The following LIMD1 variants were observed in gnomAD, a reference collection of about 807,000 sequenced individuals.
The protein encoded by LIMD1 is LIM domain-containing protein 1.
A neutral mutation model predicts 58.4 loss-of-function variants in LIMD1; 23 were observed. The ratio of observed to expected loss-of-function variants is 0.39; its 90% confidence interval spans 0.28 to 0.56. The LOEUF (loss-of-function observed/expected upper bound fraction) is 0.56. Ranked by LOEUF, LIMD1 falls within the 20% of genes least tolerant of loss-of-function variation. The pLI is 0.57. For missense variants in LIMD1, 838 were observed against 855.5 expected (o/e 0.98, Z 0.25); for synonymous variants, 334 against 345.5 (o/e 0.97, Z 0.37).
chr3:45,671,944 G>A (rs1356177082), intron 4 of LIMD1, among the ~76,000 whole-genome samples: 1 of 152,146 alleles, frequency 6.6e-6, no homozygotes, highest in Non-Finnish European at 1.5e-5. Flanking sequence ...TCTCTTTCCT[G>A]CTGTCCATGT....
intron 1 of LIMD1, among the ~76,000 whole-genome samples, chr3:45,602,199 TGGCC>T: frequency 6.6e-6 from 1 of 152,118 alleles, no homozygotes; most frequent in South Asian, 2.1e-4. Flanking sequence ...CCACCCTCCT[TGGCC>T]TCCCAAAGTG....
chr3:45,595,890 C>T lies in LIMD1; in HGVS notation c.1011C>T (p.Phe337=), dbSNP rs762862096. Reference sequence around the variant, plus strand: ...CCAATGTGGACCCCCAACCCTGGTTCCAGGATGGGCCCAAATCTTACCTTT... The same window carrying T: ...CCAATGTGGACCCCCAACCCTGGTTTCAGGATGGGCCCAAATCTTACCTTT... ...SKPNVDPQPW[F]QDGPKSYLSS... is the part of the protein sequence containing the mutation. The change falls in exon 1 of 8, where the codon TTC becomes TTT. Residue 337 remains phenylalanine (F), a synonymous_variant. Transcript: ENST00000273317. The T allele has an allele frequency of 2.5e-6, 4 of 1,614,124 alleles. No homozygotes were observed. The highest frequency in any genetic ancestry group is 3.4e-6 in the Non-Finnish European group (4 of 1,180,042).
intron 1 of LIMD1, among the ~76,000 whole-genome samples, chr3:45,610,456 A>G (rs1401427297): frequency 6.6e-6 from 1 of 152,186 alleles, no homozygotes; most frequent in African/African-American, 2.4e-5. Flanking sequence ...AAGGGTTGGG[A>G]TACATGCTTT....
chr3:45,598,281 C>T (rs1249733038), intron 1 of LIMD1, among the ~76,000 whole-genome samples: 1 of 152,324 alleles, frequency 6.6e-6, no homozygotes, highest in African/African-American at 2.4e-5. Flanking sequence ...AAGCACATGG[C>T]ACCATCTTAC....
At position 45,596,059 on chromosome 3, in the gene LIMD1, T is replaced by G; in HGVS notation, c.1180T>G (p.Ser394Ala). The stretch of plus-strand genomic sequence containing the variant: ...CACCAGTCTTGTCCATCCAGTGATG[T>G]CCACCCTGCCTGAGTTATCTTGTAA... ...SPTSLVHPVM[S>A]TLPELSCKEG... The change falls in exon 1 of 8, where the codon TCC becomes GCC. Residue 394 changes from serine to alanine, a missense_variant. By Grantham distance (99) the Ser-to-Ala change is moderately conservative. This residue lies in a region of LIMD1 where 659 missense variants were observed against 639.8 expected (regional missense o/e 1.03). Transcript: ENST00000273317. 6.2e-7 allele frequency: 1 copy of G among 1,614,174 alleles called. No individual in the cohort carries two copies. The highest frequency in any genetic ancestry group is 8.5e-7 in the Non-Finnish European group (1 of 1,180,028).
intron 2 of LIMD1, among the ~76,000 whole-genome samples, chr3:45,645,057 C>T (rs1701887817): frequency 6.6e-6 from 1 of 152,162 alleles, no homozygotes; most frequent in Non-Finnish European, 1.5e-5. Context: ...AGCTGAAGAT[C>T]AAGAATGTGA....
At chr3:45,653,907 C>CAAAAAAAAAAAAAAAAAGAAA (rs1701998128) in intron 2 of LIMD1, among the ~76,000 whole-genome samples, 1 of 74,884 alleles carries the variant, frequency 1.3e-5, no homozygotes, top group African/African-American at 4.9e-5. Flanking sequence ...AAGACTGTCT[C>CAAAAAAAAAAAAAAAAAGAAA]AAAAAAAAAA....
chr3:45,630,701 C>T (rs1018346254), intron 1 of LIMD1, among the ~76,000 whole-genome samples: 1 of 151,944 alleles, frequency 6.6e-6, no homozygotes, highest in Middle Eastern at 3.4e-3. Context: ...GGAAGGAGCT[C>T]CCCTCATGAT....
intron 7 of LIMD1, among the ~76,000 whole-genome samples, chr3:45,675,778 A>G (rs1575369532): frequency 6.6e-6 from 1 of 152,172 alleles, no homozygotes; most frequent in Non-Finnish European, 1.5e-5. Flanking sequence ...AGGCCGAGGC[A>G]GGGGGATCAC....
intron 2 of LIMD1, among the ~76,000 whole-genome samples, chr3:45,659,710 T>G (rs995472906): frequency 6.6e-6 from 1 of 152,238 alleles, no homozygotes; most frequent in Non-Finnish European, 1.5e-5. Context: ...ATCATTTATA[T>G]GTACTCTGGT....
intron 2 of LIMD1, among the ~76,000 whole-genome samples, chr3:45,648,003 A>G (rs1487444341): frequency 6.6e-6 from 1 of 151,716 alleles, no homozygotes; most frequent in East Asian, 1.9e-4. Flanking sequence ...CTTGGGTCCC[A>G]TGTGCACCCT....
At chr3:45,615,202 T>C (rs1701565231) in intron 1 of LIMD1, among the ~76,000 whole-genome samples, 1 of 152,176 alleles carries the variant, frequency 6.6e-6, no homozygotes, top group South Asian at 2.1e-4. Flanking sequence ...GAGAGGCATT[T>C]GTGGGAAAGT....
intron 2 of LIMD1, among the ~76,000 whole-genome samples, chr3:45,649,189 A>T (rs1285688894): frequency 6.6e-6 from 1 of 152,172 alleles, no homozygotes; most frequent in Non-Finnish European, 1.5e-5. Flanking sequence ...ATAAGAAAAA[A>T]GTCTCACTTG....
At chr3:45,627,735 C>T (rs1036411043) in intron 1 of LIMD1, among the ~76,000 whole-genome samples, 23 of 141,162 alleles carry the variant, frequency 1.6e-4, no homozygotes, top group Admixed American at 1.4e-3. Context: ...AGGCCAGGTG[C>T]GGTAGCTCAT....
intron 2 of LIMD1, among the ~76,000 whole-genome samples, chr3:45,662,654 GTT>G (rs1697458305): frequency 6.6e-6 from 1 of 151,880 alleles, no homozygotes; most frequent in Non-Finnish European, 1.5e-5. Context: ...TTTTCCTACT[GTT>G]ACCATATATA....
intron 1 of LIMD1, among the ~76,000 whole-genome samples, chr3:45,610,754 C>T (rs1701515393): frequency 6.6e-6 from 1 of 152,172 alleles, no homozygotes; most frequent in Non-Finnish European, 1.5e-5. Flanking sequence ...AGTATCTGAT[C>T]TAAGTTGTCC....
Position 45,594,793 on chromosome 3 carries a change from A to ACACACACACACACACACACACAC in LIMD1, c.-86_-64dup, listed in dbSNP as rs1559510535. The ACACACACACACACACACACACAC allele has an allele frequency of 1.2e-3, 118 of 98,370 alleles. No homozygotes were observed. In the East Asian group the frequency reaches 0.018, roughly 15 times the overall value. The allele number at this position is 98,370 out of a possible 1,614,324, so 6.1% of individuals were successfully genotyped here. On this transcript the variant is annotated 5_prime_UTR_variant, in exon 1 of 8. Coordinates refer to ENST00000273317, the MANE Select transcript of LIMD1 (RefSeq NM_014240.3). The stretch of plus-strand genomic sequence containing the variant: ...CGCTGCCCTCAACACACACACACAC[A>ACACACACACACACACACACACAC]CACACACACACACACACACACACAC...
intron 1 of LIMD1, among the ~76,000 whole-genome samples, chr3:45,616,670 G>A (rs1412523241): frequency 6.6e-6 from 1 of 152,088 alleles, no homozygotes; most frequent in Non-Finnish European, 1.5e-5. Context: ...CCTGAAAGAT[G>A]TGTTGGTTCT....
chr3:45,599,697 A>G (rs1284529693), intron 1 of LIMD1, among the ~76,000 whole-genome samples: 1 of 152,132 alleles, frequency 6.6e-6, no homozygotes, highest in African/African-American at 2.4e-5. Flanking sequence ...GGGCCTTTGG[A>G]ATGTACCCAC....
Sources: gnomAD v4.1 joint callset for allele counts (sites outside exome capture counted in the v4.1 genomes callset) on GRCh38, gnomAD v4.1.1 for gene constraint, gnomAD v4.1.1 regional missense constraint, MANE v1.5 for transcripts, NCBI Gene and HGNC (gene_info 2026-07-23, HGNC 2026-07-21) for gene names.